Variants in MOCOS observed in about 807,000 individuals in gnomAD.
The protein encoded by MOCOS is molybdenum cofactor sulfurase.
In MOCOS, 86 loss-of-function variants were observed where a neutral mutation model predicts 83.6. The observed-to-expected ratio is 1.03, with a 90% CI of 0.86 to 1.23. The LOEUF (loss-of-function observed/expected upper bound fraction) is 1.23. Among genes scored for constraint, MOCOS ranks in the 50% most tolerant of loss-of-function variants. MOCOS has a pLI of 0.00. For missense variants in MOCOS, 1,120 were observed against 1,126.9 expected (o/e 0.99, Z 0.09); for synonymous variants, 445 against 434.7 (o/e 1.02, Z -0.29).
chr18:36,266,789 A>G lies in MOCOS; in HGVS notation c.2450A>G (p.Asp817Gly). The G allele has an allele frequency of 1.2e-6, 2 of 1,614,104 alleles. 1 individual carries two copies. Among genetic ancestry groups the G allele is most frequent in the East Asian group, 4.5e-5 (2 of 44,872 alleles). Residue 817 changes from aspartate to glycine, a missense_variant, in exon 14 of 15, where the codon GAC (aspartate) becomes GGC (glycine). Physicochemically the swap from Asp to Gly is moderately conservative, Grantham distance 94. Transcript: ENST00000261326. ...CACAGATGCCAGATGATTTGCATCG[A>G]CCAGCAAACTGGGCAACGAAACCAG... ...PCHRCQMICI[D>G]QQTGQRNQHV... is the part of the protein sequence containing the mutation.
At chr18:36,212,920 T>C (rs966187025) in intron 6 of MOCOS, among the ~76,000 whole-genome samples, 3 of 152,064 alleles carry the variant, frequency 2.0e-5, no homozygotes, top group South Asian at 2.1e-4. Flanking sequence ...GGAGCAAACA[T>C]CCCAGGGGCT....
intron 11 of MOCOS, among the ~76,000 whole-genome samples, chr18:36,255,624 T>C (rs1419301871): frequency 1.3e-5 from 2 of 152,142 alleles, no homozygotes; most frequent in East Asian, 3.9e-4. Context: ...AGAGCCGTTT[T>C]AGCAAAGAGG....
At chr18:36,245,953 G>A (rs533741201) in intron 9 of MOCOS, among the ~76,000 whole-genome samples, 2 of 152,164 alleles carry the variant, frequency 1.3e-5, no homozygotes, top group Admixed American at 1.3e-4. Flanking sequence ...TTCTCTAAGT[G>A]TGTCTTTCAT....
At chr18:36,254,089 G>T (rs114246048) in intron 11 of MOCOS, among the ~76,000 whole-genome samples, 382 of 152,296 alleles carry the variant, frequency 2.5e-3, no homozygotes, top group African/African-American at 8.8e-3. Context: ...CTCCCTGCAC[G>T]ATGCAGAATC....
At chr18:36,257,108 A>G (rs755597379) in intron 12 of MOCOS, 35 bp downstream of exon 12, 1 of 1,575,256 alleles carries the variant, frequency 6.3e-7, no homozygotes, top group South Asian at 1.1e-5. Flanking sequence ...GCAGACAAGC[A>G]TAACCATTTG....
chr18:36,224,846 T>C (rs938408628), intron 9 of MOCOS, among the ~76,000 whole-genome samples: 4 of 152,234 alleles, frequency 2.6e-5, no homozygotes, highest in African/African-American at 9.6e-5. Context: ...TTAATTCTTC[T>C]TTAAATATTT....
chr18:36,205,508 T>C lies in MOCOS; in HGVS notation c.1218+232T>C, dbSNP rs137910550. On this transcript the variant is annotated intron_variant, in intron 6 of 14. Transcript: ENST00000261326. ...CTTCTGATGGCAGGTGGGAAACTGTTGGGTCTTTGCCATAGTAGAATAAGC... is the reference window on the plus strand; with the variant it reads ...CTTCTGATGGCAGGTGGGAAACTGTCGGGTCTTTGCCATAGTAGAATAAGC... Among the ~76,000 whole-genome samples, 142 of 152,346 alleles carry C rather than the reference T, an allele frequency of 9.3e-4. 3 individuals carry two copies. The East Asian group carries it at 0.021, about 23-fold the overall frequency.
intron 9 of MOCOS, among the ~76,000 whole-genome samples, chr18:36,233,948 T>C (rs1028656141): frequency 6.6e-6 from 1 of 152,192 alleles, no homozygotes; most frequent in Non-Finnish European, 1.5e-5. Context: ...CTTCGTCAGA[T>C]GCGTGGTTTG....
rs1168071297 is a variant in MOCOS at position 36,259,482 on chromosome 18, G to A, written c.2271-555G>A. ...AAAAAAAAAAGGTATCAGAAAAATAGCAGATGTTACACTGCAAATAGAATG... is the reference window on the plus strand; with the variant it reads ...AAAAAAAAAAGGTATCAGAAAAATAACAGATGTTACACTGCAAATAGAATG... On this transcript the variant is annotated intron_variant, in intron 12 of 14. Transcript: ENST00000261326. 1.5e-4 allele frequency among the ~76,000 whole-genome samples: 21 copies of A among 144,810 alleles called. No homozygotes were observed. The East Asian group carries it at 3.9e-3, about 27-fold the overall frequency.
At position 36,215,743 on chromosome 18, in the gene MOCOS, T is replaced by C. The variant is rs1216061841; in HGVS notation, c.1563T>C (p.Pro521=). Reference sequence around the variant, plus strand: ...CAGACAGCCAGGCTGATGTTATACCTGCTGTCATGGGCAGACGTAGCCTCT... The same window carrying C: ...CAGACAGCCAGGCTGATGTTATACCCGCTGTCATGGGCAGACGTAGCCTCT... The part of the protein sequence containing the change: ...PSADSQADVI[P]AVMGRRSLSP... Residue 521 remains proline, a synonymous_variant, in exon 8 of 15, where the codon CCT becomes CCC. Transcript: ENST00000261326. The C allele has an allele frequency of 2.5e-6, 4 of 1,614,206 alleles. No homozygotes were observed. The highest frequency in any genetic ancestry group is 3.4e-6 in the Non-Finnish European group (4 of 1,180,044).
Position 36,205,077 on chromosome 18 carries a change from G to A in MOCOS, c.1019G>A (p.Gly340Asp), listed in dbSNP as rs1416362032. The A allele has an allele frequency of 6.3e-7, 1 of 1,593,978 alleles. No individual in the cohort carries two copies. Among genetic ancestry groups the A allele is most frequent in the Non-Finnish European group, 8.6e-7 (1 of 1,166,888 alleles). The change falls in exon 6 of 15, where the codon GGT becomes GAT. Residue 340 changes from glycine to aspartate, a missense_variant and splice_region_variant. Coordinates refer to ENST00000261326, the MANE Select transcript of MOCOS (RefSeq NM_017947.4). The part of the protein sequence containing the change: ...HGFDTLERLT[G>D]GMENIKQHTF... Reference sequence around the variant, plus strand: ...TCTTGTGTTTCATGATTGATTTGAGGTGGAATGGAGAATATAAAGCAGCAC... The same window carrying A: ...TCTTGTGTTTCATGATTGATTTGAGATGGAATGGAGAATATAAAGCAGCAC...
At chr18:36,205,386 C>A in intron 6 of MOCOS, 110 bp downstream of exon 6, 2 of 1,091,192 alleles carry the variant, frequency 1.8e-6, no homozygotes, top group Non-Finnish European at 2.8e-6. Flanking sequence ...ACCAGGCCCT[C>A]AGCCACATGC....
chr18:36,196,829 CAG>C (rs1458079102), intron 2 of MOCOS, among the ~76,000 whole-genome samples: 3 of 151,808 alleles, frequency 2.0e-5, no homozygotes, highest in Non-Finnish European at 4.4e-5. Flanking sequence ...AATGTGGAAA[CAG>C]AACATATGGT....
chr18:36,241,090 T>C (rs571588308), intron 9 of MOCOS, among the ~76,000 whole-genome samples: 1 of 152,292 alleles, frequency 6.6e-6, no homozygotes, highest in Admixed American at 6.5e-5. Context: ...AAATCACCCG[T>C]CTTCTGCGTC....
intron 12 of MOCOS, among the ~76,000 whole-genome samples, chr18:36,259,322 G>T (rs1355992506): frequency 6.6e-6 from 1 of 151,758 alleles, no homozygotes; most frequent in Non-Finnish European, 1.5e-5. Context: ...GCACATGCTT[G>T]TAGTCCCACC....
Position 36,187,740 on chromosome 18 carries a change from C to A in MOCOS, c.142+59C>A, listed in dbSNP as rs990573703. ...GTTTCTGGAACCGACGTGGACGGAT[C>A]TTTTGCTCCTAGTGAGAGCGGCGCT... On this transcript the variant is annotated intron_variant, in intron 1 of 14. Coordinates refer to ENST00000261326, the MANE Select transcript of MOCOS (RefSeq NM_017947.4). 2.6e-5 allele frequency: 33 copies of A among 1,246,788 alleles called. No homozygotes were observed. The African/African-American group carries it at 4.9e-4, about 19-fold the overall frequency. 77.2% of individuals were successfully genotyped at this position (1,246,788 alleles called of 1,614,324 possible).
At chr18:36,246,508 C>T (rs1252758882) in intron 9 of MOCOS, among the ~76,000 whole-genome samples, 1 of 152,230 alleles carries the variant, frequency 6.6e-6, no homozygotes. Flanking sequence ...TGGATACCAG[C>T]ACCTGCTCTA....
chr18:36,221,068 T>C (rs754433989), intron 9 of MOCOS, among the ~76,000 whole-genome samples: 8 of 152,214 alleles, frequency 5.3e-5, no homozygotes, highest in Non-Finnish European at 1.0e-4. Context: ...ATGAGTGACA[T>C]GAATGATCAA....
At chr18:36,266,651 A>T in intron 13 of MOCOS, 98 bp from the exon 14 acceptor site, 1 of 995,974 alleles carries the variant, frequency 1.0e-6, no homozygotes, top group Non-Finnish European at 1.6e-6. Flanking sequence ...GGCTCTCCAT[A>T]GTTAGGGGAC....
Sources: allele counts gnomAD v4.1 joint callset (sites outside exome capture counted in the v4.1 genomes callset), GRCh38; gene constraint gnomAD v4.1.1; transcripts MANE v1.5; gene names NCBI Gene and HGNC (gene_info 2026-07-23, HGNC 2026-07-21).